The following MARCHF5 variants were observed in gnomAD, a reference collection of about 807,000 sequenced individuals.
The protein encoded by MARCHF5 is E3 ubiquitin-protein ligase MARCHF5.
A neutral mutation model predicts 36.5 loss-of-function variants in MARCHF5; 5 were observed. The ratio of observed to expected loss-of-function variants is 0.14; its 90% confidence interval spans 0.07 to 0.29. The LOEUF (loss-of-function observed/expected upper bound fraction) is 0.29, where lower values mean the gene tolerates loss of function less well. MARCHF5 is among the 10% of genes least tolerant of loss of function. The pLI is 1.00. For missense variants in MARCHF5, 179 were observed against 336.3 expected (o/e 0.53, Z 3.66); for synonymous variants, 103 against 109.9 (o/e 0.94, Z 0.39).
intron 2 of MARCHF5, among the ~76,000 whole-genome samples, chr10:92,311,852 C>T (rs1292556873): frequency 6.6e-6 from 1 of 151,996 alleles, no homozygotes; most frequent in African/African-American, 2.4e-5. Flanking sequence ...TGTGAAGTGG[C>T]AGGTAAGAAA....
chr10:92,341,096 A>T (rs1462755341), intron 3 of MARCHF5, among the ~76,000 whole-genome samples: 1 of 152,148 alleles, frequency 6.6e-6, no homozygotes, highest in Non-Finnish European at 1.5e-5. Context: ...TTGTGGATAG[A>T]CGTTTAGTTA....
At chr10:92,296,557 G>A (rs1304461438) in intron 1 of MARCHF5, among the ~76,000 whole-genome samples, 1 of 152,160 alleles carries the variant, frequency 6.6e-6, no homozygotes, top group Admixed American at 6.5e-5. Context: ...ACAAACTGCA[G>A]GAATGGACCT....
chr10:92,316,319 G>A (rs1843208822), intron 2 of MARCHF5, among the ~76,000 whole-genome samples: 1 of 152,182 alleles, frequency 6.6e-6, no homozygotes, highest in Admixed American at 6.5e-5. Context: ...GTACTCAGTT[G>A]TGAAAAACTT....
intron 3 of MARCHF5, among the ~76,000 whole-genome samples, chr10:92,349,107 G>A (rs141419091): frequency 1.8e-3 from 281 of 152,260 alleles, no homozygotes; most frequent in African/African-American, 6.3e-3. Context: ...AATCAGTCTG[G>A]GTCAGCCATT....
chr10:92,321,138 A>G (rs183214802), intron 2 of MARCHF5, among the ~76,000 whole-genome samples: 4 of 152,230 alleles, frequency 2.6e-5, no homozygotes, highest in Non-Finnish European at 5.9e-5. Flanking sequence ...AATAGGCTAC[A>G]CCATACCGAC....
chr10:92,305,964 A>G (rs558166313), intron 1 of MARCHF5, among the ~76,000 whole-genome samples: 13 of 152,308 alleles, frequency 8.5e-5, no homozygotes, highest in South Asian at 4.1e-4. Flanking sequence ...TTTACATTCT[A>G]TGATTGTACT....
intron 3 of MARCHF5, among the ~76,000 whole-genome samples, chr10:92,346,005 A>G (rs1843639703): frequency 6.6e-6 from 1 of 152,082 alleles, no homozygotes; most frequent in Non-Finnish European, 1.5e-5. Context: ...TTTATTTTAT[A>G]CATAGATAAC....
intron 1 of MARCHF5, among the ~76,000 whole-genome samples, chr10:92,300,891 C>CTTT (rs370507190): frequency 0.04 from 5,079 of 127,674 alleles, 196 homozygotes; most frequent in Non-Finnish European, 0.047. Context: ...CCTCCTAATT[C>CTTT]TTTTTTTTTT....
chr10:92,346,886 A>G (rs182939193), intron 3 of MARCHF5, among the ~76,000 whole-genome samples: 1 of 152,234 alleles, frequency 6.6e-6, no homozygotes, highest in Non-Finnish European at 1.5e-5. Flanking sequence ...ATACCTGAAT[A>G]TTCACTCTTC....
chr10:92,337,850 A>G (rs1214145226), intron 2 of MARCHF5, among the ~76,000 whole-genome samples: 1 of 151,434 alleles, frequency 6.6e-6, no homozygotes, highest in South Asian at 2.1e-4. Flanking sequence ...GCGTCGATAA[A>G]TGTTCTCTTA....
chr10:92,294,224 A>G (rs553690027), intron 1 of MARCHF5, among the ~76,000 whole-genome samples: 5 of 152,338 alleles, frequency 3.3e-5, no homozygotes, highest in South Asian at 2.1e-4. Context: ...GATAGAAAGT[A>G]TGAAATTCGA....
intron 1 of MARCHF5, among the ~76,000 whole-genome samples, chr10:92,309,223 T>A (rs906550840): frequency 1.3e-5 from 2 of 152,158 alleles, no homozygotes; most frequent in African/African-American, 2.4e-5. Flanking sequence ...AAGTTTGAAA[T>A]TTTTCATAAT....
intron 2 of MARCHF5, among the ~76,000 whole-genome samples, chr10:92,339,029 A>T (rs1267497446): frequency 2.0e-5 from 3 of 148,546 alleles, no homozygotes; most frequent in Non-Finnish European, 4.4e-5. Context: ...TGGGCAACAA[A>T]GCAAAACTCT....
rs1299347609 is a variant in MARCHF5 at position 92,352,306 on chromosome 10, AG to A, written c.*1100del. 1.3e-5 allele frequency: 2 copies of A among 152,228 alleles called. No homozygotes were observed. Among genetic ancestry groups the A allele is most frequent in the African/African-American group, 2.4e-5 (1 of 41,454 alleles). The allele number at this position is 152,228 out of a possible 1,614,324, so 9.4% of individuals were successfully genotyped here. On this transcript the variant is annotated 3_prime_UTR_variant, in exon 6 of 6. Coordinates refer to ENST00000358935, the MANE Select transcript of MARCHF5 (RefSeq NM_017824.5). ...TAATGAGGAGAAAAGTATGAAAACA[AG>A]AAGTCTTAAGTAAATATTGAGGTCA...
intron 2 of MARCHF5, among the ~76,000 whole-genome samples, chr10:92,319,846 G>T (rs1843268103): frequency 6.8e-6 from 1 of 146,080 alleles, no homozygotes; most frequent in South Asian, 2.1e-4. Context: ...TATAGACAGG[G>T]TTTCACCATG....
At chr10:92,301,334 T>C (rs1485895467) in intron 1 of MARCHF5, among the ~76,000 whole-genome samples, 2 of 152,256 alleles carry the variant, frequency 1.3e-5, no homozygotes, top group Non-Finnish European at 2.9e-5. Context: ...ACGTATTTTT[T>C]GTACTGCTGT....
chr10:92,351,092 G>C lies in MARCHF5; in HGVS notation c.722G>C (p.Gly241Ala), dbSNP rs1843709426. 6.4e-7 allele frequency: 1 copy of C among 1,572,220 alleles called. No homozygotes were observed. The highest frequency in any genetic ancestry group is 8.7e-7 in the Non-Finnish European group (1 of 1,145,608). The change falls in exon 6 of 6, where the codon GGT (glycine) becomes GCT (alanine). Residue 241 changes from glycine (G) to alanine (A), a missense_variant and splice_region_variant. Around this residue, in one of 3 missense-constraint regions of MARCHF5, gnomAD observed 95 missense variants for 139.5 expected, o/e 0.68. Coordinates refer to ENST00000358935, the MANE Select transcript of MARCHF5 (RefSeq NM_017824.5). ...AGCTAATTTTCCTTTTTATTTTAGG[G>C]TGGAATTGCGTTTGTTGCCATAAAA... ...VNSNLQRTIL[G>A]GIAFVAIKGA...
At chr10:92,308,649 G>C (rs1242990542) in intron 1 of MARCHF5, 1 of 151,408 alleles carries the variant, frequency 6.6e-6, no homozygotes, top group African/African-American at 2.4e-5. Context: ...TACCATAGTT[G>C]TGAAATTAAT....
intron 2 of MARCHF5, 51 bp from the exon 3 acceptor site, chr10:92,340,620 ATT>A (rs1373846798): frequency 2.0e-6 from 3 of 1,510,564 alleles, no homozygotes; most frequent in Non-Finnish European, 2.7e-6. Context: ...CAAACAAGTC[ATT>A]TTAAAAGTTC....
Sources: gnomAD v4.1 joint callset for allele counts (sites outside exome capture counted in the v4.1 genomes callset) on GRCh38, gnomAD v4.1.1 for gene constraint, gnomAD v4.1.1 regional missense constraint, MANE v1.5 for transcripts, NCBI Gene and HGNC (gene_info 2026-07-23, HGNC 2026-07-21) for gene names.